The following CNNM2 variants were observed in gnomAD, a reference collection of about 807,000 sequenced individuals.
CNNM2 encodes the protein metal transporter CNNM2.
A neutral mutation model predicts 66.9 loss-of-function variants in CNNM2; 12 were observed. The ratio of observed to expected loss-of-function variants is 0.18; its 90% CI spans 0.11 to 0.29. The LOEUF (loss-of-function observed/expected upper bound fraction) is 0.29, where lower values mean the gene tolerates loss of function less well. Ranked by LOEUF, CNNM2 falls within the 10% of genes least tolerant of loss-of-function variation. The pLI, the probability that CNNM2 is intolerant of heterozygous loss-of-function variation, is 1.00. For synonymous variants in CNNM2, 557 were observed against 501.8 expected (o/e 1.11, Z -1.47); for missense variants, 705 against 1,167.7 (o/e 0.60, Z 5.77).
chr10:102,985,488 TC>T (rs1439395284), intron 1 of CNNM2, among the ~76,000 whole-genome samples: 1 of 152,164 alleles, frequency 6.6e-6, no homozygotes, highest in Non-Finnish European at 1.5e-5. Flanking sequence ...GTGTTTATGG[TC>T]CCTTTCTTCC....
At position 103,089,722 on chromosome 10, in the gene CNNM2, G is replaced by A; in HGVS notation, c.*12542G>A. On this transcript the variant is annotated 3_prime_UTR_variant, in exon 8 of 8. Transcript: ENST00000369878. ...TCATCATCATCTTCGTCATGGCAGT[G>A]TGTAATTTCCTGGGGGGCCAGTGGG... The A allele has an allele frequency of 6.2e-7, 1 of 1,613,424 alleles. No individual in the cohort carries two copies. Among genetic ancestry groups the A allele is most frequent in the Non-Finnish European group, 8.5e-7 (1 of 1,179,760 alleles).
At chr10:102,993,373 T>C (rs2063931344) in intron 1 of CNNM2, among the ~76,000 whole-genome samples, 4 of 152,238 alleles carry the variant, frequency 2.6e-5, no homozygotes, top group African/African-American at 2.4e-5. Flanking sequence ...ATTAAGACTT[T>C]TGTGACTTAG....
At chr10:102,928,639 A>G (rs917378909) in intron 1 of CNNM2, among the ~76,000 whole-genome samples, 2 of 152,050 alleles carry the variant, frequency 1.3e-5, no homozygotes, top group African/African-American at 4.8e-5. Flanking sequence ...GAAGTCCAAG[A>G]TCAAGACACT....
intron 1 of CNNM2, among the ~76,000 whole-genome samples, chr10:102,978,532 A>G (rs1326296827): frequency 6.6e-6 from 1 of 152,136 alleles, no homozygotes; most frequent in East Asian, 1.9e-4. Flanking sequence ...TTTATAGCAT[A>G]TTATGGCTGT....
intron 1 of CNNM2, among the ~76,000 whole-genome samples, chr10:102,926,710 T>TC (rs1373179452): frequency 1.7e-5 from 2 of 116,800 alleles, no homozygotes; most frequent in African/African-American, 6.3e-5. Flanking sequence ...CACACCCAGC[T>TC]AATTTTTTTT....
chr10:103,013,032 A>G (rs111681634), intron 1 of CNNM2, among the ~76,000 whole-genome samples: 21 of 152,300 alleles, frequency 1.4e-4, no homozygotes, highest in Admixed American at 7.2e-4. Context: ...AAAGACCTTC[A>G]TAAAATTGAA....
At chr10:102,960,750 G>A (rs1296262348) in intron 1 of CNNM2, among the ~76,000 whole-genome samples, 3 of 149,242 alleles carry the variant, frequency 2.0e-5, no homozygotes, top group Non-Finnish European at 4.4e-5. Context: ...CTCCCGAGTA[G>A]CTGAGACTGT....
chr10:103,015,602 A>G (rs886618264), intron 1 of CNNM2, among the ~76,000 whole-genome samples: 6 of 152,094 alleles, frequency 3.9e-5, no homozygotes, highest in Non-Finnish European at 8.8e-5. Context: ...GCCTGTAATC[A>G]CAGCACTTTA....
At chr10:103,075,763 A>G (rs528198709) in intron 6 of CNNM2, among the ~76,000 whole-genome samples, 21 of 151,138 alleles carry the variant, frequency 1.4e-4, no homozygotes, top group East Asian at 5.9e-4. Flanking sequence ...CCTTGGCCCA[A>G]CCTCGCCTGA....
intron 1 of CNNM2, among the ~76,000 whole-genome samples, chr10:103,026,756 TTC>T (rs1284852770): frequency 1.3e-5 from 2 of 152,162 alleles, no homozygotes; most frequent in African/African-American, 4.8e-5. Flanking sequence ...AGTCAGTGTG[TTC>T]TACAGGGAGA....
intron 1 of CNNM2, among the ~76,000 whole-genome samples, chr10:103,007,985 C>T (rs368058405): frequency 2.6e-5 from 4 of 152,198 alleles, no homozygotes; most frequent in South Asian, 2.1e-4. Context: ...TCCCTCCGTT[C>T]GGGGTCCCTG....
intron 4 of CNNM2, among the ~76,000 whole-genome samples, chr10:103,064,526 C>A (rs2065442504): frequency 6.6e-6 from 1 of 151,392 alleles, no homozygotes; most frequent in African/African-American, 2.4e-5. Flanking sequence ...CTGTGCCTGG[C>A]AATAGTTGTG....
intron 1 of CNNM2, chr10:102,927,629 G>T: frequency 1.9e-6 from 1 of 519,680 alleles, no homozygotes. Flanking sequence ...GCTGTGCGTG[G>T]TGGTGGGTGC....
chr10:102,976,501 G>C (rs2063632839), intron 1 of CNNM2, among the ~76,000 whole-genome samples: 1 of 134,304 alleles, frequency 7.4e-6, no homozygotes, highest in Admixed American at 8.5e-5. Flanking sequence ...GGGTGTGATT[G>C]CAGCTTAGAT....
intron 1 of CNNM2, among the ~76,000 whole-genome samples, chr10:102,975,854 C>T (rs1423924059): frequency 6.6e-6 from 1 of 152,060 alleles, no homozygotes; most frequent in Non-Finnish European, 1.5e-5. Flanking sequence ...ATAATTGGCC[C>T]CTCTGGAATT....
chr10:102,961,352 G>A lies in CNNM2; in HGVS notation c.1621+41251G>A, dbSNP rs1337137411. Among the ~76,000 whole-genome samples, 4 of 152,194 alleles carry A rather than the reference G, an allele frequency of 2.6e-5. No homozygotes were observed. The East Asian group carries it at 7.7e-4, about 29-fold the overall frequency. ...ACTGATACTTAAGCCTTCATCATGA[G>A]CCAAGAGATAGCTCTCATTTATGAG... is the stretch of plus-strand genomic sequence containing the variant. On this transcript the variant is annotated intron_variant, in intron 1 of 7. Transcript: ENST00000369878.
chr10:102,964,732 C>T (rs1420015894), intron 1 of CNNM2, among the ~76,000 whole-genome samples: 1 of 152,094 alleles, frequency 6.6e-6, no homozygotes, highest in Non-Finnish European at 1.5e-5. Context: ...CCTTGGTCTT[C>T]TCATCTTTAA....
chr10:103,044,641 T>C (rs1413657244), intron 1 of CNNM2, among the ~76,000 whole-genome samples: 1 of 152,140 alleles, frequency 6.6e-6, no homozygotes, highest in African/African-American at 2.4e-5. Context: ...AGTGGGAAGG[T>C]GCATGGAATC....
intron 1 of CNNM2, among the ~76,000 whole-genome samples, chr10:103,028,612 T>A (rs780454241): frequency 6.6e-6 from 1 of 152,138 alleles, no homozygotes; most frequent in African/African-American, 2.4e-5. Context: ...TTAGATTAGG[T>A]AACAACAGTT....
Sources: allele counts gnomAD v4.1 joint callset (sites outside exome capture counted in the v4.1 genomes callset), GRCh38; gene constraint gnomAD v4.1.1; transcripts MANE v1.5; gene names NCBI Gene and HGNC (gene_info 2026-07-23, HGNC 2026-07-21).